PEX11A: variants seen among roughly 807,000 people sequenced by gnomAD.
PEX11A encodes the protein peroxisomal membrane protein 11A.
A neutral mutation model predicts 14.4 loss-of-function variants in PEX11A; 13 were observed. The ratio of observed to expected loss-of-function variants is 0.90; its 90% CI spans 0.59 to 1.43. The LOEUF is 1.43. Among genes scored for constraint, PEX11A ranks in the 40% most tolerant of loss-of-function variants. The probability of loss-of-function intolerance (pLI) is 0.00; values close to 1 mark genes in which losing one functional copy is unlikely to be tolerated. For missense variants in PEX11A, 290 were observed against 302.8 expected (o/e 0.96, Z 0.31); for synonymous variants, 101 against 113.0 (o/e 0.89, Z 0.67).
intron 1 of PEX11A, chr15:89,688,071 T>C: frequency 1.9e-6 from 1 of 534,302 alleles, no homozygotes; most frequent in South Asian, 1.4e-5. Context: ...TTGGTAGTTT[T>C]AGACTTTTTC....
chr15:89,690,504 C>G, intron 1 of PEX11A, 73 bp downstream of exon 1: 1 of 1,146,570 alleles, frequency 8.7e-7, no homozygotes, highest in Non-Finnish European at 1.3e-6. Flanking sequence ...TCCTTTTTCC[C>G]GGGTGCAGGG....
In PEX11A at chr15:89,686,540, A is replaced by C; in HGVS notation, c.63T>G (p.Thr21=). 1 of 1,463,168 alleles carries C rather than the reference A, an allele frequency of 6.8e-7. No homozygotes were observed. The allele number at this position is 1,463,168 out of a possible 1,614,324, so 90.6% of individuals were successfully genotyped here. ...ATCTAAGCAACATGCATGTGTACTG[A>C]GTGGCTCTGAAATGGAAAAAAAAAA... ...TQGRDRLFRA[T]QYTCMLLRYL... is the part of the protein sequence containing the mutation. Residue 21 remains threonine, a synonymous_variant, in exon 2 of 3, where the codon ACT becomes ACG. Coordinates refer to ENST00000300056, the MANE Select transcript of PEX11A (RefSeq NM_003847.3).
At chr15:89,685,322 G>A (rs1031543989) in intron 2 of PEX11A, among the ~76,000 whole-genome samples, 3 of 151,410 alleles carry the variant, frequency 2.0e-5, no homozygotes, top group East Asian at 1.9e-4. Flanking sequence ...TTCCAGTTCT[G>A]GCCCTTGCAC....
intron 1 of PEX11A, 62 bp from the exon 2 acceptor site, chr15:89,686,608 G>A: frequency 2.6e-6 from 2 of 775,702 alleles, no homozygotes; most frequent in Non-Finnish European, 4.4e-6. Context: ...CTTAATTCAG[G>A]AAGTAAGGGA....
intron 1 of PEX11A, among the ~76,000 whole-genome samples, chr15:89,689,423 C>G (rs531973650): frequency 2.6e-5 from 4 of 152,340 alleles, no homozygotes; most frequent in Non-Finnish European, 4.4e-5. Flanking sequence ...TCTAATTGAT[C>G]TGTTTGTATC....
chr15:89,688,300 A>C (rs1964707172), intron 1 of PEX11A: 1 of 462,956 alleles, frequency 2.2e-6, no homozygotes. Context: ...TATGAATGCC[A>C]GTGTGGTCAT....
At chr15:89,689,976 A>T (rs1964779654) in intron 1 of PEX11A, among the ~76,000 whole-genome samples, 1 of 152,202 alleles carries the variant, frequency 6.6e-6, no homozygotes, top group Non-Finnish European at 1.5e-5. Flanking sequence ...TACTAAAAAT[A>T]CAAAAAGTAG....
chr15:89,681,561 GTTAATCTA>G lies in PEX11A; in HGVS notation c.*1808_*1815del. The G allele has an allele frequency of 1.4e-6, 1 of 702,046 alleles. No homozygotes were observed. The highest frequency in any genetic ancestry group is 2.6e-6 in the Non-Finnish European group (1 of 384,686). 43.5% of individuals were successfully genotyped at this position (702,046 alleles called of 1,614,324 possible). A position where few individuals can be genotyped will look rare whatever the true frequency, so the allele number is the denominator to read the frequency against. On this transcript the variant is annotated 3_prime_UTR_variant, in exon 3 of 3. Transcript: ENST00000300056. ...TTTGTCTAGAAATTTATTGAACATA[GTTAATCTA>G]TTACAGTAGAGGATCTGGACAATAA... is the stretch of plus-strand genomic sequence containing the variant.
rs989796866 is a variant in PEX11A at position 89,690,720 on chromosome 15, A to C, written c.-88T>G. 6.3e-6 allele frequency: 6 copies of C among 946,892 alleles called. No individual in the cohort carries two copies. The African/African-American group carries it at 1.0e-4, about 16-fold the overall frequency. The allele number at this position is 946,892 out of a possible 1,614,324, so 58.7% of individuals were successfully genotyped here. ...GGATCCCCAGGGAACGGTCAGTCCCAGGTTATCCGCTGAGGGGGAGGGGCT... is the reference window on the plus strand; with the variant it reads ...GGATCCCCAGGGAACGGTCAGTCCCCGGTTATCCGCTGAGGGGGAGGGGCT... On this transcript the variant is annotated 5_prime_UTR_variant, in exon 1 of 3. Transcript: ENST00000300056.
intron 2 of PEX11A, among the ~76,000 whole-genome samples, chr15:89,684,209 G>A (rs1396267141): frequency 6.6e-6 from 1 of 152,156 alleles, no homozygotes; most frequent in Non-Finnish European, 1.5e-5. Context: ...CTTAGCACTG[G>A]TCTTTTTAAC....
At chr15:89,684,022 G>C (rs1360295325) in intron 2 of PEX11A, 74 bp from the exon 3 acceptor site, 2 of 1,113,348 alleles carry the variant, frequency 1.8e-6, no homozygotes, top group Non-Finnish European at 2.6e-6. Context: ...CCTGTATCAG[G>C]GTGAGGAGCC....
intron 1 of PEX11A, among the ~76,000 whole-genome samples, chr15:89,689,349 G>A (rs1243528662): frequency 6.6e-6 from 1 of 152,144 alleles, no homozygotes; most frequent in Non-Finnish European, 1.5e-5. Flanking sequence ...GTTCATAGTT[G>A]CAAAACACTG....
At chr15:89,687,145 G>A (rs529312023) in intron 1 of PEX11A, among the ~76,000 whole-genome samples, 4 of 152,040 alleles carry the variant, frequency 2.6e-5, no homozygotes, top group East Asian at 1.9e-4. Flanking sequence ...GGCTGGTCTC[G>A]ATCTCCTGAC....
At position 89,683,408 on chromosome 15, in the gene PEX11A, GC is replaced by G. The variant is rs1455671902; in HGVS notation, c.712del (p.Ala238HisfsTer5). 2 of 1,613,652 alleles carry G rather than the reference GC, an allele frequency of 1.2e-6. No individual in the cohort carries two copies. The highest frequency in any genetic ancestry group is 3.3e-5 in the Admixed American group (2 of 59,978). ...GGTCTTCAGCTTCATCTGAGGATAT[GC>G]CACAGTGATCATGCCTGCTATAGAG... ...VSSIAGMITV[A>X]YPQMKLKTR On this transcript the variant is annotated frameshift_variant, in exon 3 of 3. Coordinates refer to ENST00000300056, the MANE Select transcript of PEX11A (RefSeq NM_003847.3). LOFTEE classifies it high-confidence loss of function.
rs780931830 is a variant in PEX11A, at chr15:89,683,912, G to T, written c.209C>A (p.Ala70Glu). The change falls in exon 3 of 3, where the codon GCA (alanine) becomes GAA (glutamate). Residue 70 changes from alanine to glutamate, a missense_variant. Physicochemically the swap from Ala to Glu is moderately radical, Grantham distance 107. Coordinates refer to ENST00000300056, the MANE Select transcript of PEX11A (RefSeq NM_003847.3). ...RLGNVVHAIQ[A>E]TEQSIHATDL... ...AGTGGCATGAATGCTCTGCTCAGTT[G>T]CCTGTATAGCATGTACCACATTGCC... 1 of 1,613,828 alleles carries T rather than the reference G, an allele frequency of 6.2e-7. No individual in the cohort carries two copies. Among genetic ancestry groups the T allele is most frequent in the Non-Finnish European group, 8.5e-7 (1 of 1,179,768 alleles).
intron 2 of PEX11A, 74 bp from the exon 3 acceptor site, chr15:89,684,022 G>A (rs1360295325): frequency 2.1e-5 from 23 of 1,113,348 alleles, no homozygotes; most frequent in Non-Finnish European, 3.0e-5. Context: ...CCTGTATCAG[G>A]GTGAGGAGCC....
chr15:89,683,488 C>G lies in PEX11A; in HGVS notation c.633G>C (p.Gln211His). 6.2e-7 allele frequency: 1 copy of G among 1,614,104 alleles called. No individual in the cohort carries two copies. The highest frequency in any genetic ancestry group is 2.2e-5 in the East Asian group (1 of 44,888). ...NLCDILNPLD[Q>H]LGIYKSNPGI... Reference sequence around the variant, plus strand: ...CAGGATTGGATTTATAGATCCCCAGCTGGTCCAAAGGGTTCAGGATATCAC... The same window carrying G: ...CAGGATTGGATTTATAGATCCCCAGGTGGTCCAAAGGGTTCAGGATATCAC... The change falls in exon 3 of 3, where the codon CAG (glutamine) becomes CAC (histidine). Residue 211 changes from glutamine (Q) to histidine (H), a missense_variant. Coordinates refer to ENST00000300056, the MANE Select transcript of PEX11A (RefSeq NM_003847.3).
In PEX11A at chr15:89,684,375, G is replaced by A. The variant is rs570794320; in HGVS notation, c.173-427C>T. Among the ~76,000 whole-genome samples the A allele has an allele frequency of 1.4e-3, 209 of 152,234 alleles. 1 individual carries two copies. The highest frequency in any genetic ancestry group is 4.8e-3 in the African/African-American group (199 of 41,530). On this transcript the variant is annotated intron_variant, in intron 2 of 2. Coordinates refer to ENST00000300056, the MANE Select transcript of PEX11A (RefSeq NM_003847.3). ...AATGAACACCTTAATGTTGACTGAC[G>A]GCATACTCCAGGCAAGGTCAATCAT...
chr15:89,686,825 T>C (rs1964683844), intron 1 of PEX11A, among the ~76,000 whole-genome samples: 1 of 130,768 alleles, frequency 7.6e-6, no homozygotes. Context: ...CACAGAGAAA[T>C]GGATATAGTC....
Sources: gnomAD v4.1 joint callset for allele counts (sites outside exome capture counted in the v4.1 genomes callset) on GRCh38, gnomAD v4.1.1 for gene constraint, MANE v1.5 for transcripts, NCBI Gene and HGNC (gene_info 2026-07-23, HGNC 2026-07-21) for gene names.